SPAG16: variants seen among roughly 807,000 people sequenced by gnomAD.
SPAG16 encodes the protein sperm-associated antigen 16 protein.
Under a neutral mutation model 80.4 loss-of-function variants are expected in SPAG16, and 86 were observed. That is an observed-to-expected ratio of 1.07 (90% CI 0.90 to 1.28). The LOEUF is 1.28. Ranked by LOEUF, SPAG16 falls within the 50% of genes most tolerant of loss-of-function variation. SPAG16 has a pLI of 0.00. For synonymous variants in SPAG16, 294 were observed against 265.9 expected (o/e 1.11, Z -1.03); for missense variants, 870 against 765.3 (o/e 1.14, Z -1.61).
At chr2:214,267,672 C>T (rs1691678192) in intron 15 of SPAG16, among the ~76,000 whole-genome samples, 1 of 151,642 alleles carries the variant, frequency 6.6e-6, no homozygotes, top group Non-Finnish European at 1.5e-5. Context: ...AAAGATATCC[C>T]ACAAATAAAT....
At chr2:213,417,760 A>C (rs1172213434) in intron 9 of SPAG16, among the ~76,000 whole-genome samples, 1 of 152,208 alleles carries the variant, frequency 6.6e-6, no homozygotes, top group African/African-American at 2.4e-5. Flanking sequence ...CTTATCTATA[A>C]AAATATATTT....
At chr2:213,589,258 C>T (rs1162478924) in intron 10 of SPAG16, among the ~76,000 whole-genome samples, 1 of 152,138 alleles carries the variant, frequency 6.6e-6, no homozygotes, top group Non-Finnish European at 1.5e-5. Flanking sequence ...TGTGGATGAA[C>T]AAACAGAAAT....
intron 15 of SPAG16, among the ~76,000 whole-genome samples, chr2:214,174,660 A>G (rs1236487211): frequency 1.3e-5 from 2 of 151,776 alleles, no homozygotes; most frequent in African/African-American, 2.4e-5. Context: ...TCTCACTCAC[A>G]TCAATCCAAT....
chr2:213,449,697 A>G (rs775162494), intron 9 of SPAG16, among the ~76,000 whole-genome samples: 1 of 152,316 alleles, frequency 6.6e-6, no homozygotes, highest in Middle Eastern at 3.4e-3. Context: ...ACTAGGTGCA[A>G]TATCTAGGTA....
intron 13 of SPAG16, among the ~76,000 whole-genome samples, chr2:214,107,405 A>G (rs912799883): frequency 2.0e-5 from 3 of 152,186 alleles, no homozygotes; most frequent in African/African-American, 7.2e-5. Flanking sequence ...TCCAAGCAAT[A>G]GTCCACATAT....
intron 10 of SPAG16, among the ~76,000 whole-genome samples, chr2:213,604,103 G>C (rs1574462619): frequency 6.6e-6 from 1 of 152,196 alleles, no homozygotes; most frequent in South Asian, 2.1e-4. Context: ...TGTTGGCCAG[G>C]CTGGTCTTGA....
intron 15 of SPAG16, among the ~76,000 whole-genome samples, chr2:214,175,943 G>A (rs868623265): frequency 4.6e-5 from 7 of 151,282 alleles, no homozygotes; most frequent in African/African-American, 1.7e-4. Context: ...GAGGGAAACA[G>A]CAATGAGAAT....
chr2:213,660,312 C>T (rs2063374621), intron 10 of SPAG16, among the ~76,000 whole-genome samples: 2 of 151,476 alleles, frequency 1.3e-5, no homozygotes, highest in African/African-American at 4.8e-5. Flanking sequence ...ACTTTGTTGC[C>T]AGGCTTGAGT....
chr2:213,889,691 A>G (rs1486239695), intron 11 of SPAG16, among the ~76,000 whole-genome samples: 1 of 147,624 alleles, frequency 6.8e-6, no homozygotes, highest in African/African-American at 2.5e-5. Flanking sequence ...ATACATATAC[A>G]TATATATACA....
chr2:213,934,598 A>T (rs2078909620), intron 12 of SPAG16, among the ~76,000 whole-genome samples: 1 of 152,218 alleles, frequency 6.6e-6, no homozygotes, highest in Non-Finnish European at 1.5e-5. Context: ...ACTAGAATCC[A>T]CTTTTTCCTC....
rs1484009851 is a variant in SPAG16, at chr2:213,930,133, G to T, written c.1388G>T (p.Trp463Leu). 1 of 1,613,168 alleles carries T rather than the reference G, an allele frequency of 6.2e-7. No individual in the cohort carries two copies. The highest frequency in any genetic ancestry group is 1.7e-5 in the Admixed American group (1 of 59,886). ...SSSLDKTSKIWDVNSERCRCT... is the reference protein window; with the variant it reads ...SSSLDKTSKILDVNSERCRCT... ...TCACTGGATAAAACTAGCAAAATTT[G>T]GGATGTTAATAGGTAAGAAGTACTT... Residue 463 changes from tryptophan to leucine, a missense_variant, in exon 12 of 16, where the codon TGG becomes TTG. Trp to Leu is a moderately conservative substitution (Grantham distance 61). Coordinates refer to ENST00000331683, the MANE Select transcript of SPAG16 (RefSeq NM_024532.5).
At chr2:214,096,312 A>G (rs1191985908) in intron 13 of SPAG16, among the ~76,000 whole-genome samples, 2 of 151,884 alleles carry the variant, frequency 1.3e-5, no homozygotes, top group Non-Finnish European at 2.9e-5. Flanking sequence ...TTCAAGGAAA[A>G]TGTAATTCTG....
chr2:213,855,390 T>A (rs1186793142), intron 10 of SPAG16, among the ~76,000 whole-genome samples: 5 of 152,232 alleles, frequency 3.3e-5, no homozygotes, highest in African/African-American at 1.2e-4. Context: ...CTTTGTGACC[T>A]CGGGTGGATC....
At chr2:214,055,764 C>G (rs2049904307) in intron 13 of SPAG16, among the ~76,000 whole-genome samples, 1 of 152,184 alleles carries the variant, frequency 6.6e-6, no homozygotes, top group Non-Finnish European at 1.5e-5. Context: ...AACAAACCAA[C>G]TTAATAAATG....
rs545106961 is a variant in SPAG16, at chr2:213,559,563, A to G, written c.1070+69473A>G. 6.6e-5 allele frequency among the ~76,000 whole-genome samples: 10 copies of G among 152,306 alleles called. No individual in the cohort carries two copies. The East Asian group carries it at 1.3e-3, about 21-fold the overall frequency. On this transcript the variant is annotated intron_variant, in intron 10 of 15. Coordinates refer to ENST00000331683, the MANE Select transcript of SPAG16 (RefSeq NM_024532.5). ...GTTTTAGACTTTGAATATTTGTTACATTATAAAACATTTTCTCAATATACT... is the reference window on the plus strand; with the variant it reads ...GTTTTAGACTTTGAATATTTGTTACGTTATAAAACATTTTCTCAATATACT...
intron 9 of SPAG16, among the ~76,000 whole-genome samples, chr2:213,464,449 G>A (rs2072564670): frequency 2.0e-5 from 3 of 152,194 alleles, no homozygotes; most frequent in African/African-American, 7.2e-5. Flanking sequence ...ATGAGAGGCT[G>A]TTATTGCCTG....
intron 10 of SPAG16, among the ~76,000 whole-genome samples, chr2:213,740,510 G>C (rs1260023454): frequency 1.3e-5 from 2 of 152,146 alleles, no homozygotes; most frequent in Admixed American, 6.5e-5. Context: ...TAAGTCTTCT[G>C]GTAGATTGCG....
chr2:213,317,264 G>A lies in SPAG16; in HGVS notation c.444G>A (p.Gly148=). The A allele has an allele frequency of 6.2e-7, 1 of 1,609,546 alleles. No homozygotes were observed. Among genetic ancestry groups the A allele is most frequent in the Non-Finnish European group, 8.5e-7 (1 of 1,177,326 alleles). Residue 148 remains glycine, a synonymous_variant, in exon 5 of 16, where the codon GGG becomes GGA. Coordinates refer to ENST00000331683, the MANE Select transcript of SPAG16 (RefSeq NM_024532.5). ...GAGTGACTGAACTTAGAACTGTTGGGAATGTTCCAGATGTCTACACCCAGA... is the reference window on the plus strand; with the variant it reads ...GAGTGACTGAACTTAGAACTGTTGGAAATGTTCCAGATGTCTACACCCAGA... ...QKGVTELRTV[G]NVPDVYTQIM... is the part of the protein sequence containing the mutation.
intron 14 of SPAG16, among the ~76,000 whole-genome samples, chr2:214,141,642 C>T (rs1010176656): frequency 2.0e-5 from 3 of 152,034 alleles, no homozygotes; most frequent in African/African-American, 7.3e-5. Flanking sequence ...TGCATTCAAT[C>T]CAAAGTGATA....
Sources: allele counts gnomAD v4.1 joint callset (sites outside exome capture counted in the v4.1 genomes callset), GRCh38; gene constraint gnomAD v4.1.1; transcripts MANE v1.5; gene names NCBI Gene and HGNC (gene_info 2026-07-23, HGNC 2026-07-21).